Variants in DNMT3A observed in about 807,000 individuals in gnomAD.
The protein encoded by DNMT3A is DNA methyltransferase 3 alpha.
Under a neutral mutation model 117.6 loss-of-function variants are expected in DNMT3A, and 267 were observed. That is an observed-to-expected ratio of 2.27 (90% CI 2.05 to 2.51). The LOEUF (loss-of-function observed/expected upper bound fraction) is 2.51, where lower values mean the gene tolerates loss of function less well. Ranked by LOEUF, DNMT3A falls within the 30% of genes most tolerant of loss-of-function variation. The pLI is 0.00. For missense variants in DNMT3A, 1,029 were observed against 1,260.2 expected (o/e 0.82, Z 2.78); for synonymous variants, 432 against 474.8 (o/e 0.91, Z 1.17).
In DNMT3A at chr2:25,240,361, A is replaced by T. The variant is rs369230209; in HGVS notation, c.2263T>A (p.Phe755Ile). ...EGDDRPFFWL[F>I]ENVVAMGVSD... Reference sequence around the variant, plus strand: ...ACGCCCATGGCCACCACATTCTCAAAGAGCCAGAAGAAGGGGCGATCATCT... The same window carrying T: ...ACGCCCATGGCCACCACATTCTCAATGAGCCAGAAGAAGGGGCGATCATCT... The change falls in exon 19 of 23, where the codon TTT becomes ATT. Residue 755 changes from phenylalanine (F) to isoleucine (I), a missense_variant. Phe to Ile is a conservative substitution (Grantham distance 21, BLOSUM62 0). Coordinates refer to ENST00000321117, the MANE Select transcript of DNMT3A (RefSeq NM_022552.5). The T allele has an allele frequency of 1.9e-6, 3 of 1,614,062 alleles. No individual in the cohort carries two copies. Among genetic ancestry groups the T allele is most frequent in the African/African-American group, 2.7e-5 (2 of 74,938 alleles).
In DNMT3A at chr2:25,293,251, AC is replaced by A. The variant is rs548872013; in HGVS notation, c.177+6887del. Among the ~76,000 whole-genome samples, 206 of 150,430 alleles carry A rather than the reference AC, an allele frequency of 1.4e-3. 2 individuals carry two copies. In the Middle Eastern group the frequency reaches 0.017, roughly 13 times the overall value. On this transcript the variant is annotated intron_variant, in intron 3 of 22. Transcript: ENST00000321117. This position sits in a 1 kb window ranked among gnomAD's most constrained non-coding sequence, Gnocchi z 4.7. ...TGGCCAATTCTGCCCCGCCACTGCCACCCCCCACAGGCCCTGGGACTTTGCT... is the reference window on the plus strand; with the variant it reads ...TGGCCAATTCTGCCCCGCCACTGCCACCCCCACAGGCCCTGGGACTTTGCT...
At chr2:25,299,726 T>A (rs968312189) in intron 3 of DNMT3A, among the ~76,000 whole-genome samples, 2 of 151,920 alleles carry the variant, frequency 1.3e-5, no homozygotes, top group Non-Finnish European at 2.9e-5. Flanking sequence ...AGGTCAGGAG[T>A]TCGACACCAG....
intron 1 of DNMT3A, among the ~76,000 whole-genome samples, chr2:25,318,010 C>G (rs961301371): frequency 6.6e-6 from 1 of 152,210 alleles, no homozygotes. Context: ...GCTGGGATTA[C>G]AGGCATGAGC....
chr2:25,252,305 G>T lies in DNMT3A; in HGVS notation c.640-4053C>A. The stretch of plus-strand genomic sequence containing the variant: ...GGAGGGGAAGGGGGCGATGGGGCTG[G>T]GGGCGGAGGGGGCCACTGGGAGGGG... On this transcript the variant is annotated intron_variant, in intron 6 of 22. Transcript: ENST00000321117. The surrounding 1 kb of genome is among the most constrained non-coding windows in gnomAD (Gnocchi z 5.5). 1.2e-6 allele frequency: 1 copy of T among 811,182 alleles called. No individual in the cohort carries two copies. Among genetic ancestry groups the T allele is most frequent in the East Asian group, 3.4e-5 (1 of 29,696 alleles). 50.2% of individuals were successfully genotyped at this position (811,182 alleles called of 1,614,324 possible).
chr2:25,245,145 C>A (rs1295127013), intron 13 of DNMT3A, 108 bp downstream of exon 13: 1 of 1,035,960 alleles, frequency 9.7e-7, no homozygotes, highest in South Asian at 1.5e-5. Flanking sequence ...CTACATCACA[C>A]GCACACCGGG....
chr2:25,239,281 T>TG, intron 19 of DNMT3A, 66 bp from the exon 20 acceptor site: 1 of 1,461,768 alleles, frequency 6.8e-7, no homozygotes, highest in Non-Finnish European at 9.5e-7. Flanking sequence ...GGCATGCTGC[T>TG]GGGGTCGAGC....
In DNMT3A at chr2:25,247,740, C is replaced by T. The variant is rs1357482230; in HGVS notation, c.865G>A (p.Gly289Ser). The T allele has an allele frequency of 6.2e-7, 1 of 1,612,598 alleles. No individual in the cohort carries two copies. The highest frequency in any genetic ancestry group is 8.5e-7 in the Non-Finnish European group (1 of 1,180,002). The change falls in exon 8 of 23, where the codon GGC (glycine) becomes AGC (serine). Residue 289 changes from glycine to serine, a missense_variant. Transcript: ENST00000321117. The surrounding 1 kb of genome is among the most constrained non-coding windows in gnomAD (Gnocchi z 5.6). ...DDEPEYEDGRGFGIGELVWGK... is the reference protein window; with the variant it reads ...DDEPEYEDGRSFGIGELVWGK... ...CACACCAGCTCCCCAATGCCAAAGCCCCGGCCGTCCTGGAGCCCCAAGGAG... is the reference window on the plus strand; with the variant it reads ...CACACCAGCTCCCCAATGCCAAAGCTCCGGCCGTCCTGGAGCCCCAAGGAG...
chr2:25,263,790 C>T (rs1021111691), intron 6 of DNMT3A, among the ~76,000 whole-genome samples: 10 of 152,222 alleles, frequency 6.6e-5, no homozygotes, highest in Non-Finnish European at 1.2e-4. Flanking sequence ...CCACTCCATG[C>T]CCTTCCCCCA....
intron 2 of DNMT3A, among the ~76,000 whole-genome samples, chr2:25,301,149 G>C (rs2033492290): frequency 6.6e-6 from 1 of 151,638 alleles, no homozygotes; most frequent in East Asian, 2.0e-4. Flanking sequence ...CGCGCCTGTA[G>C]TCTCAGCTAC....
chr2:25,291,683 C>T (rs890567399), intron 3 of DNMT3A, among the ~76,000 whole-genome samples: 6 of 152,246 alleles, frequency 3.9e-5, no homozygotes, highest in Non-Finnish European at 7.3e-5. Context: ...CTGCTGGGAG[C>T]TGCCTGTCTC....
chr2:25,327,923 T>C lies in DNMT3A; in HGVS notation c.-177-13762A>G, dbSNP rs1050804640. On this transcript the variant is annotated intron_variant, in intron 1 of 22. Coordinates refer to ENST00000321117, the MANE Select transcript of DNMT3A (RefSeq NM_022552.5). This position sits in a 1 kb window ranked among gnomAD's most constrained non-coding sequence, Gnocchi z 4.1. ...TGGGTCCTCACATCCAGCAGGTACC[T>C]GGTCCTTGGGCTTCTCTCGTCCCCC... Among the ~76,000 whole-genome samples the C allele has an allele frequency of 2.6e-5, 4 of 152,194 alleles. No individual in the cohort carries two copies. The highest frequency in any genetic ancestry group is 5.9e-5 in the Non-Finnish European group (4 of 68,030).
At chr2:25,245,871 AAGAC>A (rs1047151028) in intron 12 of DNMT3A, 145 bp downstream of exon 12, 14 of 1,056,534 alleles carry the variant, frequency 1.3e-5, no homozygotes, top group African/African-American at 6.2e-5. Flanking sequence ...TGGCACCAGA[AAGAC>A]AGACAGTGCA....
chr2:25,300,725 A>T (rs1278449152), intron 2 of DNMT3A, among the ~76,000 whole-genome samples: 1 of 21,148 alleles, frequency 4.7e-5, no homozygotes, highest in East Asian at 1.7e-3. Context: ...ATATATATAT[A>T]TATATATATA....
At chr2:25,335,068 G>A (rs2035158053) in intron 1 of DNMT3A, among the ~76,000 whole-genome samples, 1 of 152,112 alleles carries the variant, frequency 6.6e-6, no homozygotes, top group African/African-American at 2.4e-5. Flanking sequence ...CCATGCATGT[G>A]CAAACCTAAA....
chr2:25,334,483 C>A (rs2035134123), intron 1 of DNMT3A, among the ~76,000 whole-genome samples: 1 of 152,194 alleles, frequency 6.6e-6, no homozygotes, highest in African/African-American at 2.4e-5. Flanking sequence ...ACCTGAGCTC[C>A]ATACCCGGGC....
At position 25,230,480 on chromosome 2, in the gene DNMT3A, T is replaced by C. The variant is rs1454389842; in HGVS notation, c.*3799A>G. 2 of 152,184 alleles carry C rather than the reference T, an allele frequency of 1.3e-5. No homozygotes were observed. The highest frequency in any genetic ancestry group is 4.8e-5 in the African/African-American group (2 of 41,430). The allele number at this position is 152,184 out of a possible 1,614,324, so 9.4% of individuals were successfully genotyped here. On this transcript the variant is annotated 3_prime_UTR_variant, in exon 23 of 23. Transcript: ENST00000321117. ...AGAACCCTTGTTTCTAAGGGGGAAA[T>C]GGGCCTACTCTTCGGAAAGAAAATT... is the stretch of plus-strand genomic sequence containing the variant.
At chr2:25,303,813 G>C (rs1243240531) in intron 2 of DNMT3A, among the ~76,000 whole-genome samples, 1 of 152,274 alleles carries the variant, frequency 6.6e-6, no homozygotes, top group Non-Finnish European at 1.5e-5. Flanking sequence ...CTCTGCGGAG[G>C]GAGGGGGCTA....
chr2:25,301,149 G>T (rs2033492290), intron 2 of DNMT3A, among the ~76,000 whole-genome samples: 1 of 151,520 alleles, frequency 6.6e-6, no homozygotes, highest in African/African-American at 2.4e-5. Context: ...CGCGCCTGTA[G>T]TCTCAGCTAC....
upstream of DNMT3A, among the ~76,000 whole-genome samples, chr2:25,342,182 G>A (rs1275849699): frequency 1.4e-5 from 2 of 145,468 alleles, no homozygotes; most frequent in African/African-American, 2.5e-5. The surrounding 1 kb of genome is among the most constrained non-coding windows in gnomAD (Gnocchi z 5.9). Flanking sequence ...GGGCCCCGGG[G>A]CGCCGCGGCG....
Sources: allele counts gnomAD v4.1 joint callset (sites outside exome capture counted in the v4.1 genomes callset), GRCh38; gene constraint gnomAD v4.1.1; non-coding constraint Gnocchi (gnomAD v3.1); transcripts MANE v1.5; gene names NCBI Gene and HGNC (gene_info 2026-07-23, HGNC 2026-07-21).